Variants in LETMD1 observed in about 807,000 individuals in gnomAD.
LETMD1 encodes the protein LETM1 domain containing 1, also known as LETM1 domain-containing protein 1.
Under a neutral mutation model 43.9 loss-of-function variants are expected in LETMD1, and 30 were observed. The observed-to-expected ratio is 0.68, with a 90% CI of 0.51 to 0.93. LETMD1 has a LOEUF of 0.93. Among genes scored for constraint, LETMD1 ranks in the 40% least tolerant of loss-of-function variants. The probability of loss-of-function intolerance (pLI) is 0.00; values close to 1 mark genes in which losing one functional copy is unlikely to be tolerated. For missense variants in LETMD1, 413 were observed against 447.7 expected (o/e 0.92, Z 0.70); for synonymous variants, 176 against 163.1 (o/e 1.08, Z -0.60).
At chr12:51,048,578 C>T (rs781366633) in intron 1 of LETMD1, 100 bp downstream of exon 1, 63 of 1,458,442 alleles carry the variant, frequency 4.3e-5, no homozygotes, top group Non-Finnish European at 4.5e-5. Flanking sequence ...AGTTCCACGC[C>T]TTGGCCCTGG....
chr12:51,055,569 G>A, intron 4 of LETMD1: 1 of 321,376 alleles, frequency 3.1e-6, no homozygotes, highest in Non-Finnish European at 5.6e-6. Flanking sequence ...GTAGGCTGTG[G>A]TGGGAGGATT....
At chr12:51,048,744 G>A in intron 1 of LETMD1, 1 of 594,900 alleles carries the variant, frequency 1.7e-6, no homozygotes, top group Admixed American at 3.0e-5. Flanking sequence ...TTTTACCGCT[G>A]CTATCTCGAT....
Position 51,048,380 on chromosome 12 carries a change from G to C in LETMD1, c.24G>C (p.Trp8Cys). Reference protein sequence around the residue: MALSRVCWARSAVWGSAV... With the variant: MALSRVCCARSAVWGSAV... ...AGATGGCGCTCTCCAGGGTGTGCTG[G>C]GCTCGGTCGGCTGTGTGGGGCTCGG... Residue 8 changes from tryptophan (W) to cysteine (C), a missense_variant, in exon 1 of 9, where the codon TGG (tryptophan) becomes TGC (cysteine). Trp to Cys is a radical substitution (Grantham distance 215). Coordinates refer to ENST00000262055, the MANE Select transcript of LETMD1 (RefSeq NM_015416.5). The C allele has an allele frequency of 6.2e-7, 1 of 1,614,098 alleles. No homozygotes were observed. Among genetic ancestry groups the C allele is most frequent in the South Asian group, 1.1e-5 (1 of 91,072 alleles).
chr12:51,053,701 C>A, intron 3 of LETMD1, 77 bp from the exon 4 acceptor site: 2 of 952,086 alleles, frequency 2.1e-6, no homozygotes, highest in African/African-American at 1.6e-5. Flanking sequence ...GTTTACTGTA[C>A]AGTGGGGTGG....
intron 4 of LETMD1, 56 bp from the exon 5 acceptor site, chr12:51,055,779 T>G: frequency 1.5e-6 from 2 of 1,305,044 alleles, no homozygotes; most frequent in Middle Eastern, 1.9e-4. Context: ...TTTCTTTGGC[T>G]TCCTCTGAAA....
At position 51,059,592 on chromosome 12, in the gene LETMD1, C is replaced by A. The variant is rs1031576209; in HGVS notation, c.*161C>A. ...TCACAGCATGGCACACATGTGGGAA[C>A]TGCAGACATTCCTCTCACAGCTAGA... On this transcript the variant is annotated 3_prime_UTR_variant, in exon 9 of 9. Transcript: ENST00000262055. The A allele has an allele frequency of 1.1e-5, 7 of 660,032 alleles. No homozygotes were observed. The highest frequency in any genetic ancestry group is 8.9e-5 in the African/African-American group (5 of 56,220). The allele number at this position is 660,032 out of a possible 1,614,324, so 40.9% of individuals were successfully genotyped here.
Position 51,058,488 on chromosome 12 carries a change from G to A in LETMD1, c.1012+360G>A, listed in dbSNP as rs1171777960. ...GGCTGGAGTGCAATGGTGCGATCTC[G>A]GCTCACCGTAACCTCTGCCTCCTGG... On this transcript the variant is annotated intron_variant, in intron 8 of 8. Transcript: ENST00000262055. The A allele has an allele frequency of 4.3e-5, 9 of 207,020 alleles. No individual in the cohort carries two copies. In the South Asian group the frequency reaches 6.2e-4, roughly 14 times the overall value. 12.8% of individuals were successfully genotyped at this position (207,020 alleles called of 1,614,324 possible).
At chr12:51,049,515 C>T (rs1240308807) in intron 2 of LETMD1, 4 of 221,054 alleles carry the variant, frequency 1.8e-5, no homozygotes, top group Non-Finnish European at 3.6e-5. Flanking sequence ...TAGACCTGCC[C>T]TGTGATGTAT....
downstream of LETMD1, among the ~76,000 whole-genome samples, chr12:51,065,123 T>C (rs959471730): frequency 2.6e-5 from 4 of 152,136 alleles, no homozygotes; most frequent in Middle Eastern, 3.2e-3. Flanking sequence ...ATGACAGGCA[T>C]GGGAGAGTGA....
intron 2 of LETMD1, 131 bp downstream of exon 2, chr12:51,049,316 C>A: frequency 1.3e-6 from 1 of 761,916 alleles, no homozygotes. Flanking sequence ...TCATAAATGC[C>A]TGCGCCTTAA....
chr12:51,056,567 G>A (rs1326285222), intron 7 of LETMD1, 65 bp downstream of exon 7: 1 of 1,530,732 alleles, frequency 6.5e-7, no homozygotes, highest in East Asian at 2.2e-5. Flanking sequence ...TGGCAGGCCG[G>A]AGGTTTACAG....
chr12:51,049,195 A>G lies in LETMD1; in HGVS notation c.274+10A>G. 6.2e-7 allele frequency: 1 copy of G among 1,605,806 alleles called. No homozygotes were observed. Among genetic ancestry groups the G allele is most frequent in the South Asian group, 1.1e-5 (1 of 90,394 alleles). On this transcript the variant is annotated intron_variant, in intron 2 of 8. Coordinates refer to ENST00000262055, the MANE Select transcript of LETMD1 (RefSeq NM_015416.5). ...ACAATCTTCATGAAAGGTAAAAACG[A>G]AACTACAATAGAAATTCCGGAATCA...
intron 8 of LETMD1, chr12:51,058,797 A>T (rs1215944829): frequency 1.2e-5 from 2 of 161,112 alleles, no homozygotes; most frequent in African/African-American, 4.8e-5. Flanking sequence ...GCACCCCTTC[A>T]CCCACAGTTG....
rs113828167 is a variant in LETMD1 at position 51,058,283 on chromosome 12, G to A, written c.1012+155G>A. The A allele has an allele frequency of 2.4e-3, 1,510 of 627,652 alleles. 18 individuals carry two copies. The highest frequency in any genetic ancestry group is 0.024 in the African/African-American group (1,304 of 54,860). 38.9% of individuals were successfully genotyped at this position (627,652 alleles called of 1,614,324 possible). ...AAACTCACATGCCTACTGCATGCCC[G>A]GCAGGTAACGAAGTAGGCCATAAGA... On this transcript the variant is annotated intron_variant, in intron 8 of 8. Coordinates refer to ENST00000262055, the MANE Select transcript of LETMD1 (RefSeq NM_015416.5).
intron 7 of LETMD1, chr12:51,057,768 G>A: frequency 4.8e-6 from 2 of 419,602 alleles, no homozygotes; most frequent in South Asian, 2.1e-5. Flanking sequence ...TGGGACTGCA[G>A]GTGCATGCCA....
rs1013658281 is a variant in LETMD1, at chr12:51,055,868, T to C, written c.507T>C (p.His169=). The change falls in exon 5 of 9, where the codon CAT becomes CAC. Residue 169 remains histidine, a synonymous_variant. Transcript: ENST00000262055. ...TTCCCAGGCAACTACTGATCAGGCATTTCTGGACCCCAAAACAACAAACTG... is the reference window on the plus strand; with the variant it reads ...TTCCCAGGCAACTACTGATCAGGCACTTCTGGACCCCAAAACAACAAACTG... ...YLFPRQLLIR[H]FWTPKQQTDF... 1.5e-5 allele frequency: 24 copies of C among 1,613,730 alleles called. No individual in the cohort carries two copies. The African/African-American group carries it at 2.1e-4, about 14-fold the overall frequency.
intron 3 of LETMD1, chr12:51,052,416 A>G (rs1306743443): frequency 3.9e-6 from 2 of 517,388 alleles, no homozygotes; most frequent in East Asian, 3.2e-5. Flanking sequence ...CAAGAGCTCC[A>G]TAGAATTTCT....
chr12:51,053,519 A>G (rs1053715256), intron 3 of LETMD1, among the ~76,000 whole-genome samples: 2 of 151,754 alleles, frequency 1.3e-5, no homozygotes, highest in African/African-American at 4.8e-5. Flanking sequence ...GGCTTATGCC[A>G]ATAATCCCAG....
intron 7 of LETMD1, chr12:51,057,806 T>C (rs1418070672): frequency 3.3e-5 from 17 of 509,750 alleles, no homozygotes; most frequent in African/African-American, 2.9e-4. Flanking sequence ...TTGTATTTTT[T>C]AGTAGAGATG....
Sources: gnomAD v4.1 joint callset for allele counts (sites outside exome capture counted in the v4.1 genomes callset) on GRCh38, gnomAD v4.1.1 for gene constraint, MANE v1.5 for transcripts, NCBI Gene and HGNC (gene_info 2026-07-23, HGNC 2026-07-21) for gene names.